NIPAL2: variants seen among roughly 807,000 people sequenced by gnomAD.
NIPAL2 encodes the protein NIPA like domain containing 2, also known as NIPA-like protein 2.
NIPAL2 carries 43 observed loss-of-function variants against 48.9 expected under a neutral mutation model. The observed-to-expected ratio is 0.88, with a 90% CI of 0.69 to 1.13. The LOEUF is 1.13. Ranked by LOEUF, NIPAL2 falls within the 50% of genes most tolerant of loss-of-function variation. The pLI is 0.00. For synonymous variants in NIPAL2, 167 were observed against 174.6 expected, an observed-to-expected ratio of 0.96 and a Z score of 0.34; for missense variants, 446 against 461.4, an observed-to-expected ratio of 0.97 and a Z score of 0.31.
intron 2 of NIPAL2, among the ~76,000 whole-genome samples, 191 bp downstream of exon 2, chr8:98,253,828 A>G (rs1813728675): frequency 6.6e-6 from 1 of 152,192 alleles, no homozygotes; most frequent in African/African-American, 2.4e-5. Context: ...AATCAGAAGA[A>G]GAAGAGGAAA....
At chr8:98,264,776 A>G (rs1814600674) in intron 1 of NIPAL2, among the ~76,000 whole-genome samples, 1 of 152,146 alleles carries the variant, frequency 6.6e-6, no homozygotes, top group Non-Finnish European at 1.5e-5. Context: ...ATTGGAAAAA[A>G]CTACTTTAAA....
intron 4 of NIPAL2, among the ~76,000 whole-genome samples, chr8:98,222,859 A>G (rs1326577463): frequency 6.6e-6 from 1 of 152,222 alleles, no homozygotes; most frequent in African/African-American, 2.4e-5. Flanking sequence ...AAATCCCAGC[A>G]TCTTCAGGGA....
intron 4 of NIPAL2, 40 bp from the exon 5 acceptor site, chr8:98,222,640 A>C: frequency 1.2e-6 from 2 of 1,606,246 alleles, no homozygotes; most frequent in Non-Finnish European, 8.5e-7. Flanking sequence ...ATTGAAACCA[A>C]CCTAAAGCTT....
At chr8:98,205,013 G>A in intron 7 of NIPAL2, 98 bp downstream of exon 7, 1 of 1,297,926 alleles carries the variant, frequency 7.7e-7, no homozygotes, top group Non-Finnish European at 1.1e-6. Flanking sequence ...GAAATCAGTT[G>A]TATCTCATTT....
chr8:98,194,779 G>A lies in NIPAL2; in HGVS notation c.988C>T (p.Arg330Ter), dbSNP rs867046519. 7 of 1,571,790 alleles carry A rather than the reference G, an allele frequency of 4.5e-6. No homozygotes were observed. The highest frequency in any genetic ancestry group is 1.4e-5 in the African/African-American group (1 of 72,702). ...GACTGTTGCAGATGTTCCTTTTCTCGATTTCTTGTGACCAAAAATACACCA... is the reference window on the plus strand; with the variant it reads ...GACTGTTGCAGATGTTCCTTTTCTCAATTTCTTGTGACCAAAAATACACCA... ...FLGVFLVTRN[R>*]EKEHLQQSYI... Residue 330 changes from arginine to a stop codon, truncating the protein, a stop_gained, in exon 10 of 11, where the codon CGA (arginine) becomes TGA (stop). Coordinates refer to ENST00000430223, the MANE Select transcript of NIPAL2 (RefSeq NM_001321635.2). LOFTEE classifies it high-confidence loss of function.
rs1292467365 is a variant in NIPAL2 at position 98,294,093 on chromosome 8, G to A, written c.45C>T (p.Ala15=). 21 of 1,489,752 alleles carry A rather than the reference G, an allele frequency of 1.4e-5. No homozygotes were observed. Among genetic ancestry groups the A allele is most frequent in the Admixed American group, 9.4e-5 (4 of 42,400 alleles). The allele number at this position is 1,489,752 out of a possible 1,614,324, so 92.3% of individuals were successfully genotyped here. The change falls in exon 1 of 11, where the codon GCC becomes GCT. Residue 15 remains alanine (A), a synonymous_variant. Transcript: ENST00000430223. ...APAGPGDSAS[A]ALDELSLNFT... ...AATTCAGTGACAGCTCGTCCAGGGC[G>A]GCCGAGGCGGAGTCCCCGGGGCCCG...
intron 3 of NIPAL2, 95 bp downstream of exon 3, chr8:98,252,367 CT>C (rs1281049469): frequency 4.1e-6 from 5 of 1,224,240 alleles, no homozygotes; most frequent in Non-Finnish European, 5.6e-6. Flanking sequence ...AGGCAATAGA[CT>C]TTCTTCTTTG....
At chr8:98,250,600 A>G (rs1813537197) in intron 3 of NIPAL2, among the ~76,000 whole-genome samples, 1 of 152,250 alleles carries the variant, frequency 6.6e-6, no homozygotes, top group African/African-American at 2.4e-5. Context: ...GAATCACTTC[A>G]GATGGACAGA....
chr8:98,224,188 A>T (rs1422725430), intron 4 of NIPAL2, among the ~76,000 whole-genome samples: 1 of 152,180 alleles, frequency 6.6e-6, no homozygotes, highest in African/African-American at 2.4e-5. Context: ...CAAAATTCCA[A>T]CAATACACAA....
intron 1 of NIPAL2, among the ~76,000 whole-genome samples, chr8:98,257,274 AG>A (rs1472533217): frequency 6.6e-6 from 1 of 152,168 alleles, no homozygotes; most frequent in Non-Finnish European, 1.5e-5. Flanking sequence ...ACTCTAGTAT[AG>A]CATCACATGA....
At chr8:98,218,330 A>C (rs969138421) in intron 5 of NIPAL2, among the ~76,000 whole-genome samples, 1 of 152,242 alleles carries the variant, frequency 6.6e-6, no homozygotes, top group South Asian at 2.1e-4. Flanking sequence ...AAACAGAACT[A>C]AATCACAGAG....
chr8:98,198,850 T>C (rs755147477), intron 8 of NIPAL2, among the ~76,000 whole-genome samples: 9 of 152,234 alleles, frequency 5.9e-5, no homozygotes, highest in Non-Finnish European at 1.2e-4. Flanking sequence ...CCACTCAAAC[T>C]TCCTTTATAT....
chr8:98,202,049 G>T (rs760906172), intron 8 of NIPAL2, among the ~76,000 whole-genome samples: 2 of 152,142 alleles, frequency 1.3e-5, no homozygotes, highest in Non-Finnish European at 2.9e-5. Context: ...TATAGAAATG[G>T]TATACTCAAA....
chr8:98,264,698 A>C, intron 1 of NIPAL2, among the ~76,000 whole-genome samples: 1 of 151,226 alleles, frequency 6.6e-6, no homozygotes, highest in Non-Finnish European at 1.5e-5. Flanking sequence ...GAAAATGGCC[A>C]TACTGCCCAA....
intron 4 of NIPAL2, among the ~76,000 whole-genome samples, chr8:98,232,335 A>G (rs1812478136): frequency 6.6e-6 from 1 of 152,224 alleles, no homozygotes; most frequent in South Asian, 2.1e-4. Flanking sequence ...CTCCAAAAGC[A>G]TTAAGTTAGG....
intron 3 of NIPAL2, among the ~76,000 whole-genome samples, chr8:98,246,180 T>C (rs775088463): frequency 9.2e-5 from 14 of 152,214 alleles, no homozygotes; most frequent in Non-Finnish European, 8.8e-5. Flanking sequence ...CATGATTTCT[T>C]TGGAATTCCA....
At chr8:98,253,951 T>A in intron 2 of NIPAL2, 68 bp downstream of exon 2, 1 of 994,332 alleles carries the variant, frequency 1.0e-6, no homozygotes, top group Non-Finnish European at 1.5e-6. Context: ...AAGTGCCCAA[T>A]GCCCATGAGA....
intron 5 of NIPAL2, among the ~76,000 whole-genome samples, chr8:98,214,382 T>G (rs10108460): frequency 0.36 from 54,636 of 151,940 alleles, 10,039 homozygotes; most frequent in South Asian, 0.51. Flanking sequence ...CATGTTGGTC[T>G]TGAACTCCTG....
intron 1 of NIPAL2, among the ~76,000 whole-genome samples, chr8:98,285,953 ATGTGT>A (rs1422268031): frequency 6.6e-6 from 1 of 152,150 alleles, no homozygotes; most frequent in East Asian, 1.9e-4. Flanking sequence ...CCCAAAGTTC[ATGTGT>A]TGGAAACTTA....
Sources: allele counts gnomAD v4.1 joint callset (sites outside exome capture counted in the v4.1 genomes callset), GRCh38; gene constraint gnomAD v4.1.1; transcripts MANE v1.5; gene names NCBI Gene and HGNC (gene_info 2026-07-23, HGNC 2026-07-21).